ANKS1B: variants seen among roughly 807,000 people sequenced by gnomAD.
ANKS1B encodes the protein ankyrin repeat and sterile alpha motif domain-containing protein 1B.
In ANKS1B, 36 loss-of-function variants were observed where a neutral mutation model predicts 148.3. The ratio of observed to expected loss-of-function variants is 0.24; its 90% confidence interval spans 0.19 to 0.32. The LOEUF (loss-of-function observed/expected upper bound fraction) is 0.32, where lower values mean the gene tolerates loss of function less well. Ranked by LOEUF, ANKS1B falls within the 10% of genes least tolerant of loss-of-function variation. The probability of loss-of-function intolerance (pLI) is 1.00; values close to 1 mark genes in which losing one functional copy is unlikely to be tolerated. For synonymous variants in ANKS1B, 542 were observed against 560.8 expected (o/e 0.97, Z 0.47); for missense variants, 1,157 against 1,542.6 (o/e 0.75, Z 4.19).
intron 17 of ANKS1B, among the ~76,000 whole-genome samples, chr12:98,887,081 C>T (rs2099741785): frequency 1.3e-5 from 2 of 152,040 alleles, no homozygotes; most frequent in Non-Finnish European, 2.9e-5. Flanking sequence ...GGAATTTATA[C>T]TAAATAACCA....
intron 8 of ANKS1B, among the ~76,000 whole-genome samples, chr12:99,656,384 C>G (rs1205996090): frequency 6.6e-6 from 1 of 152,042 alleles, no homozygotes; most frequent in East Asian, 1.9e-4. Flanking sequence ...TCAACAAGTT[C>G]CACTCACAAG....
At chr12:99,334,111 C>T (rs1027800447) in intron 12 of ANKS1B, among the ~76,000 whole-genome samples, 1 of 151,712 alleles carries the variant, frequency 6.6e-6, no homozygotes, top group African/African-American at 2.4e-5. Flanking sequence ...GAATTCCAAA[C>T]AGCCATTTGC....
In ANKS1B at chr12:99,340,940, A is replaced by AAT. The variant is rs544833481; in HGVS notation, c.1756+58689_1756+58690dup. 6.9e-4 allele frequency among the ~76,000 whole-genome samples: 105 copies of AAT among 152,214 alleles called. 2 individuals are homozygous for AAT. The South Asian group carries it at 0.021, about 30-fold the overall frequency. On this transcript the variant is annotated intron_variant, in intron 12 of 26. Transcript: ENST00000683438. ...CAGTGTATTCTTCTAGATTTATCTC[A>AAT]ATATATATATTTAAATTAGCAACTT...
In ANKS1B at chr12:99,698,107, T is replaced by C. The variant is rs912787167; in HGVS notation, c.1129-42897A>G. On this transcript the variant is annotated intron_variant, in intron 8 of 26. Transcript: ENST00000683438. Reference sequence around the variant, plus strand: ...ACCTGTTTATATAGTTTTGATGACATATTAATATTTTATATAATAAAAACA... The same window carrying C: ...ACCTGTTTATATAGTTTTGATGACACATTAATATTTTATATAATAAAAACA... 3.3e-5 allele frequency among the ~76,000 whole-genome samples: 5 copies of C among 152,082 alleles called. No homozygotes were observed. In the South Asian group the frequency reaches 6.2e-4, roughly 19 times the overall value.
chr12:99,053,550 A>G (rs947027965), intron 16 of ANKS1B, among the ~76,000 whole-genome samples: 3 of 152,248 alleles, frequency 2.0e-5, no homozygotes, highest in Non-Finnish European at 4.4e-5. Flanking sequence ...GATTAACTCT[A>G]TATTTGGAAG....
intron 19 of ANKS1B, among the ~76,000 whole-genome samples, chr12:98,813,554 G>A (rs2099115368): frequency 6.8e-6 from 1 of 146,060 alleles, no homozygotes; most frequent in African/African-American, 2.5e-5. Context: ...CTTTTTTGGT[G>A]GCATTGGAGA....
rs1163557880 is a variant in ANKS1B at position 99,773,093 on chromosome 12, G to C, written c.962-5C>G. Reference sequence around the variant, plus strand: ...ATTCTCCAGTGACGGTTTCACCTATGAGAATAATTTTTTCAGAAGTTTCAA... The same window carrying C: ...ATTCTCCAGTGACGGTTTCACCTATCAGAATAATTTTTTCAGAAGTTTCAA... On this transcript the variant is annotated splice_region_variant and splice_polypyrimidine_tract_variant and intron_variant, in intron 7 of 26. Transcript: ENST00000683438. 6.3e-7 allele frequency: 1 copy of C among 1,588,500 alleles called. No homozygotes were observed. Among genetic ancestry groups the C allele is most frequent in the Non-Finnish European group, 8.5e-7 (1 of 1,169,928 alleles).
intron 10 of ANKS1B, among the ~76,000 whole-genome samples, chr12:99,466,573 T>G: frequency 6.7e-6 from 1 of 149,030 alleles, no homozygotes; most frequent in African/African-American, 2.6e-5. Flanking sequence ...GAGAGAAGAA[T>G]CAAATAGATG....
At chr12:98,887,302 C>T (rs2099742236) in intron 17 of ANKS1B, among the ~76,000 whole-genome samples, 1 of 152,044 alleles carries the variant, frequency 6.6e-6, no homozygotes, top group African/African-American at 2.4e-5. Context: ...AGCTTAAGTT[C>T]CAAGGTTTTT....
chr12:99,953,012 G>C (rs1029889188), intron 1 of ANKS1B, among the ~76,000 whole-genome samples: 1 of 152,138 alleles, frequency 6.6e-6, no homozygotes, highest in African/African-American at 2.4e-5. Flanking sequence ...TAATAAAGCA[G>C]ATATCCAATG....
In ANKS1B at chr12:99,150,734, A is replaced by G. The variant is rs115431163; in HGVS notation, c.2526+3555T>C. Among the ~76,000 whole-genome samples the G allele has an allele frequency of 5.7e-3, 870 of 152,230 alleles. 13 individuals carry two copies. Among genetic ancestry groups the G allele is most frequent in the African/African-American group, 0.02 (842 of 41,548 alleles). On this transcript the variant is annotated intron_variant, in intron 15 of 26. Transcript: ENST00000683438. ...TACCTAAACTCCTTGGTGAAAAAAAATGTCGAAACTTAGACACATTCTCTA... is the reference window on the plus strand; with the variant it reads ...TACCTAAACTCCTTGGTGAAAAAAAGTGTCGAAACTTAGACACATTCTCTA...
chr12:99,953,716 G>A (rs899004514), intron 1 of ANKS1B, among the ~76,000 whole-genome samples: 30 of 152,128 alleles, frequency 2.0e-4, no homozygotes, highest in Admixed American at 6.6e-5. Flanking sequence ...ATGCACTCAT[G>A]AGCACACATG....
At chr12:99,077,884 A>G (rs2048363126) in intron 16 of ANKS1B, among the ~76,000 whole-genome samples, 1 of 152,162 alleles carries the variant, frequency 6.6e-6, no homozygotes. Context: ...CTGTGATCTC[A>G]TCATATTAAG....
At chr12:99,079,009 G>T (rs533365652) in intron 16 of ANKS1B, among the ~76,000 whole-genome samples, 215 of 152,298 alleles carry the variant, frequency 1.4e-3, no homozygotes, top group Non-Finnish European at 2.5e-3. Context: ...AACTAAGGGA[G>T]GCCTCAGCCA....
intron 22 of ANKS1B, among the ~76,000 whole-genome samples, chr12:98,791,709 T>C (rs971204955): frequency 6.6e-6 from 1 of 152,192 alleles, no homozygotes; most frequent in Non-Finnish European, 1.5e-5. Flanking sequence ...AAGTGCATGT[T>C]ACTGTGCCCA....
chr12:99,645,841 TCAAGCCAAATGA>T (rs2098356858), intron 9 of ANKS1B, among the ~76,000 whole-genome samples: 1 of 152,196 alleles, frequency 6.6e-6, no homozygotes, highest in South Asian at 2.1e-4. Context: ...AGGATGGTTA[TCAAGCCAAATGA>T]AAGAGGTTCC....
At chr12:99,133,198 C>T (rs910505745) in intron 15 of ANKS1B, among the ~76,000 whole-genome samples, 3 of 151,804 alleles carry the variant, frequency 2.0e-5, no homozygotes, top group East Asian at 1.9e-4. Flanking sequence ...ATTACAGGAA[C>T]ATGCCACCAC....
intron 17 of ANKS1B, among the ~76,000 whole-genome samples, chr12:99,012,469 A>G (rs1479893241): frequency 1.3e-5 from 2 of 152,184 alleles, no homozygotes; most frequent in Admixed American, 6.5e-5. Flanking sequence ...TTTTACTACC[A>G]AGAAGTATCC....
intron 8 of ANKS1B, among the ~76,000 whole-genome samples, chr12:99,731,532 T>C (rs2153568502): frequency 6.6e-6 from 1 of 151,872 alleles, no homozygotes; most frequent in Non-Finnish European, 1.5e-5. Flanking sequence ...CAGAAGTCCC[T>C]CCCAGTCAAT....
Sources: allele counts gnomAD v4.1 joint callset (sites outside exome capture counted in the v4.1 genomes callset), GRCh38; gene constraint gnomAD v4.1.1; transcripts MANE v1.5; gene names NCBI Gene and HGNC (gene_info 2026-07-23, HGNC 2026-07-21).